Variants in METTL22 observed in about 807,000 individuals in gnomAD.
METTL22 encodes the protein methyltransferase 22, Kin17 lysine, also known as methyltransferase-like protein 22.
A neutral mutation model predicts 48.4 loss-of-function variants in METTL22; 51 were observed. The ratio of observed to expected loss-of-function variants is 1.05; its 90% CI spans 0.84 to 1.33. METTL22 has a LOEUF of 1.33. Ranked by LOEUF, METTL22 falls within the 40% of genes most tolerant of loss-of-function variation. The pLI, the probability that METTL22 is intolerant of heterozygous loss-of-function variation, is 0.00. For missense variants in METTL22, 678 were observed against 526.9 expected, an observed-to-expected ratio of 1.29 and a Z score of -2.81; for synonymous variants, 255 against 214.1, an observed-to-expected ratio of 1.19 and a Z score of -1.67.
At chr16:8,636,049 T>G (rs1337733789) in intron 5 of METTL22, among the ~76,000 whole-genome samples, 1 of 152,178 alleles carries the variant, frequency 6.6e-6, no homozygotes, top group Non-Finnish European at 1.5e-5. Flanking sequence ...GTCTGGGCTT[T>G]TAGTGGACCT....
intron 10 of METTL22, 83 bp from the exon 11 acceptor site, chr16:8,646,025 T>TGGCC: frequency 2.5e-6 from 4 of 1,599,000 alleles, no homozygotes; most frequent in Non-Finnish European, 3.4e-6. Flanking sequence ...ACTACTCTCC[T>TGGCC]TGGTGAATCA....
chr16:8,642,292 C>G (rs2056644909), intron 8 of METTL22, 85 bp downstream of exon 8: 2 of 1,350,498 alleles, frequency 1.5e-6, no homozygotes, highest in African/African-American at 1.4e-5. Context: ...CCCGGGAGTT[C>G]AGTTTTAGAA....
the METTL22 span, among the ~76,000 whole-genome samples, chr16:8,660,077 C>T: frequency 7.0e-6 from 1 of 141,896 alleles, no homozygotes; most frequent in African/African-American, 2.6e-5. Context: ...TCTCTTCTGT[C>T]TAGTAGGAAA....
intron 3 of METTL22, chr16:8,632,003 A>C (rs571599661): frequency 6.6e-6 from 1 of 152,202 alleles, no homozygotes; most frequent in Non-Finnish European, 1.5e-5. Context: ...GACTATCCTG[A>C]TGAGTCATGA....
chr16:8,659,797 C>T, the METTL22 span, among the ~76,000 whole-genome samples: 1 of 151,858 alleles, frequency 6.6e-6, no homozygotes, highest in Non-Finnish European at 1.5e-5. Context: ...AGTCTTGGCT[C>T]ACTGCAGCCT....
At chr16:8,621,989 C>T (rs1049014566) in intron 1 of METTL22, among the ~76,000 whole-genome samples, 2 of 152,226 alleles carry the variant, frequency 1.3e-5, no homozygotes, top group Non-Finnish European at 2.9e-5. Context: ...AGGCACCTCT[C>T]CTTCGGTTCT....
Position 8,644,671 on chromosome 16 carries a change from GC to G in METTL22, c.1128del (p.Val377TrpfsTer27). 3 of 1,605,622 alleles carry G rather than the reference GC, an allele frequency of 1.9e-6. No individual in the cohort carries two copies. The highest frequency in any genetic ancestry group is 2.6e-6 in the Non-Finnish European group (3 of 1,176,198). On this transcript the variant is annotated frameshift_variant, in exon 10 of 11. Transcript: ENST00000381920. LOFTEE classifies it high-confidence loss of function. ...ATGGCAAGCTGCGCTTCGTGGTGGA[GC>G]CCGTGGAGGCCTCCTTCCCACAGCT... is the stretch of plus-strand genomic sequence containing the variant. The part of the protein sequence containing the change: ...ADGKLRFVVE[P>X]VEASFPQLLV...
At chr16:8,627,280 C>T (rs956607446) in intron 2 of METTL22, among the ~76,000 whole-genome samples, 1 of 152,134 alleles carries the variant, frequency 6.6e-6, no homozygotes, top group Admixed American at 6.5e-5. Context: ...CCAGCCTGAC[C>T]CAGCCTCTGC....
intron 9 of METTL22, among the ~76,000 whole-genome samples, chr16:8,643,712 C>T (rs901002327): frequency 6.6e-6 from 1 of 152,150 alleles, no homozygotes; most frequent in African/African-American, 2.4e-5. Context: ...CTCCCGGGTT[C>T]ACACCATTCT....
chr16:8,631,093 C>G (rs921305904), intron 3 of METTL22, among the ~76,000 whole-genome samples: 29 of 152,206 alleles, frequency 1.9e-4, no homozygotes, highest in African/African-American at 7.0e-4. Flanking sequence ...GGAGCAGGGC[C>G]TGGCGCAGAG....
At chr16:8,627,055 C>T (rs113315069) in intron 2 of METTL22, among the ~76,000 whole-genome samples, 1 of 152,132 alleles carries the variant, frequency 6.6e-6, no homozygotes, top group Non-Finnish European at 1.5e-5. Flanking sequence ...TCCCCACTCC[C>T]TTTACCCTAG....
chr16:8,661,663 A>G, the METTL22 span, among the ~76,000 whole-genome samples: 1 of 140,364 alleles, frequency 7.1e-6, no homozygotes, highest in African/African-American at 2.7e-5. Flanking sequence ...AAAAAAAAGA[A>G]CTTAAAATTG....
At position 8,624,209 on chromosome 16, in the gene METTL22, G is replaced by A. The variant is rs759530076; in HGVS notation, c.-170-1287G>A. On this transcript the variant is annotated intron_variant, in intron 1 of 10. Coordinates refer to ENST00000381920, the MANE Select transcript of METTL22 (RefSeq NM_024109.4). Reference sequence around the variant, plus strand: ...ATGATGCTTTTTGATTAGGTGAAACGGTTGGAGGGAGGTCCCACCTGTTCT... The same window carrying A: ...ATGATGCTTTTTGATTAGGTGAAACAGTTGGAGGGAGGTCCCACCTGTTCT... 3.6e-4 allele frequency: 55 copies of A among 152,242 alleles called. 1 individual carries two copies. Among genetic ancestry groups the A allele is most frequent in the Admixed American group, 3.1e-3 (47 of 15,290 alleles). 9.4% of individuals were successfully genotyped at this position (152,242 alleles called of 1,614,324 possible). A position where few individuals can be genotyped will look rare whatever the true frequency, so the allele number is the denominator to read the frequency against.
chr16:8,664,643 T>C, the METTL22 span, among the ~76,000 whole-genome samples: 1 of 152,012 alleles, frequency 6.6e-6, no homozygotes, highest in Non-Finnish European at 1.5e-5. Flanking sequence ...TGTATTTTTG[T>C]AAAGATGGGG....
chr16:8,655,216 C>G, the METTL22 span, among the ~76,000 whole-genome samples: 2 of 152,204 alleles, frequency 1.3e-5, no homozygotes, highest in Admixed American at 6.5e-5. Context: ...GTGCCTCTGT[C>G]TTAAGACCTC....
In METTL22 at chr16:8,623,132, G is replaced by A. The variant is rs548314477; in HGVS notation, c.-171+1357G>A. On this transcript the variant is annotated intron_variant, in intron 1 of 10. Transcript: ENST00000381920. Reference sequence around the variant, plus strand: ...AGTTCAAGACTAGCCTGGCCAACATGGCAAAACCCCATCTTTACTAAAAAT... The same window carrying A: ...AGTTCAAGACTAGCCTGGCCAACATAGCAAAACCCCATCTTTACTAAAAAT... Among the ~76,000 whole-genome samples, 8 of 151,990 alleles carry A rather than the reference G, an allele frequency of 5.3e-5. No homozygotes were observed. The South Asian group carries it at 1.7e-3, about 32-fold the overall frequency.
At chr16:8,623,215 G>C (rs2055916361) in intron 1 of METTL22, among the ~76,000 whole-genome samples, 2 of 151,856 alleles carry the variant, frequency 1.3e-5, no homozygotes, top group Non-Finnish European at 2.9e-5. Flanking sequence ...TCGGGACTCT[G>C]AGGTAGGATC....
intron 10 of METTL22, 85 bp downstream of exon 10, chr16:8,644,810 C>T (rs2141816044): frequency 7.3e-7 from 1 of 1,371,148 alleles, no homozygotes; most frequent in Non-Finnish European, 9.6e-7. Context: ...GAAGCAAGCC[C>T]TCCAAGCACA....
chr16:8,635,355 C>T (rs1398973832), intron 5 of METTL22, 43 bp downstream of exon 5: 6 of 1,505,470 alleles, frequency 4.0e-6, no homozygotes, highest in African/African-American at 2.8e-5. Flanking sequence ...TAGTCACCTT[C>T]ACAAAGCATG....
Sources: gnomAD v4.1 joint callset for allele counts (sites outside exome capture counted in the v4.1 genomes callset) on GRCh38, gnomAD v4.1.1 for gene constraint, MANE v1.5 for transcripts, NCBI Gene and HGNC (gene_info 2026-07-23, HGNC 2026-07-21) for gene names.